Variants in PCDHA12 observed in about 807,000 individuals in gnomAD.
PCDHA12 encodes the protein protocadherin alpha-12.
Under a neutral mutation model 60.0 loss-of-function variants are expected in PCDHA12, and 44 were observed. The observed-to-expected ratio is 0.73, with a 90% CI of 0.58 to 0.94. PCDHA12 has a LOEUF of 0.94. Among genes scored for constraint, PCDHA12 ranks in the 40% least tolerant of loss-of-function variants. PCDHA12 has a pLI of 0.00. For missense variants in PCDHA12, 1,276 were observed against 1,239.7 expected (o/e 1.03, Z -0.44); for synonymous variants, 569 against 553.0 (o/e 1.03, Z -0.40).
At chr5:140,878,516 G>A (rs2057626740) in intron 1 of PCDHA12, among the ~76,000 whole-genome samples, 1 of 152,122 alleles carries the variant, frequency 6.6e-6, no homozygotes. Context: ...CAGTACAGTT[G>A]GTAACCAACT....
intron 3 of PCDHA12, among the ~76,000 whole-genome samples, chr5:141,004,385 G>C (rs1388217607): frequency 6.6e-6 from 1 of 152,192 alleles, no homozygotes; most frequent in Non-Finnish European, 1.5e-5. Flanking sequence ...TGCGGAAGCT[G>C]GACATGTGGA....
At chr5:140,963,195 T>TG (rs1323958663) in intron 1 of PCDHA12, among the ~76,000 whole-genome samples, 4 of 150,680 alleles carry the variant, frequency 2.7e-5, no homozygotes, top group Non-Finnish European at 5.9e-5. Flanking sequence ...ACTGTGAAAA[T>TG]GAAAAAAAAA....
Position 140,876,660 on chromosome 5 carries a change from G to C in PCDHA12, c.1188G>C (p.Lys396Asn). ...CACTGACACCTCATGTTCCCTTCAA[G>C]CTGGTGTCCACCTACAAGAATTACT... is the stretch of plus-strand genomic sequence containing the variant. ...ICSLTPHVPF[K>N]LVSTYKNYYS... Residue 396 changes from lysine to asparagine, a missense_variant, in exon 1 of 4, where the codon AAG becomes AAC. Lys to Asn is a moderately conservative substitution (Grantham distance 94). Transcript: ENST00000398631. The C allele has an allele frequency of 6.2e-7, 1 of 1,614,216 alleles. No homozygotes were observed. Among genetic ancestry groups the C allele is most frequent in the Non-Finnish European group, 8.5e-7 (1 of 1,180,044 alleles).
At position 140,969,365 on chromosome 5, in the gene PCDHA12, C is replaced by T. The variant is rs190730712; in HGVS notation, c.2368-9584C>T. The T allele has an allele frequency of 5.3e-5, 86 of 1,610,040 alleles. No homozygotes were observed. The African/African-American group carries it at 9.2e-4, about 17-fold the overall frequency. On this transcript the variant is annotated intron_variant, in intron 1 of 3. Transcript: ENST00000398631. ...GTGGTCAGGGGGTCTTCTACAAACT[C>T]ATGCATTTGTTACACATCCCCCAAT...
intron 1 of PCDHA12, chr5:140,882,865 A>G (rs1554175879): frequency 6.2e-7 from 1 of 1,614,248 alleles, no homozygotes; most frequent in Non-Finnish European, 8.5e-7. Context: ...TGAGGAAAAC[A>G]CTGGACAGAG....
chr5:140,959,382 A>C (rs1332960560), intron 1 of PCDHA12, among the ~76,000 whole-genome samples: 1 of 152,200 alleles, frequency 6.6e-6, no homozygotes, highest in African/African-American at 2.4e-5. Flanking sequence ...TCAAAAAAAA[A>C]AGTCACAAAT....
chr5:140,914,364 A>T lies in PCDHA12; in HGVS notation c.2367+36525A>T, dbSNP rs1256559741. 2.0e-5 allele frequency among the ~76,000 whole-genome samples: 3 copies of T among 152,096 alleles called. No individual in the cohort carries two copies. The East Asian group carries it at 5.8e-4, about 29-fold the overall frequency. On this transcript the variant is annotated intron_variant, in intron 1 of 3. Transcript: ENST00000398631. ...CTCTTTTTGGAGTTTTTGTCTTGAG[A>T]TCTATTTTATCTGTTATAAGTGTAG...
At chr5:140,977,094 T>C (rs1291290436) in intron 1 of PCDHA12, among the ~76,000 whole-genome samples, 1 of 152,206 alleles carries the variant, frequency 6.6e-6, no homozygotes, top group Non-Finnish European at 1.5e-5. Context: ...AATGTGTCAT[T>C]GGGGAAGTGA....
At chr5:140,937,402 CACA>C (rs1329840101) in intron 1 of PCDHA12, among the ~76,000 whole-genome samples, 1 of 152,034 alleles carries the variant, frequency 6.6e-6, no homozygotes, top group African/African-American at 2.4e-5. Flanking sequence ...AGGGGTATTG[CACA>C]ACTTTTATTA....
chr5:140,983,005 AAAGG>A (rs1223217874), intron 3 of PCDHA12, among the ~76,000 whole-genome samples: 2 of 152,110 alleles, frequency 1.3e-5, no homozygotes, highest in African/African-American at 2.4e-5. Flanking sequence ...AAAGAAAGAA[AAAGG>A]AAGGAAGGAA....
At chr5:140,914,016 G>A (rs1344982730) in intron 1 of PCDHA12, among the ~76,000 whole-genome samples, 2 of 152,140 alleles carry the variant, frequency 1.3e-5, no homozygotes, top group Non-Finnish European at 2.9e-5. Flanking sequence ...CTTTGAGAAT[G>A]ATCCACGTGC....
chr5:140,954,995 T>C (rs962646761), intron 1 of PCDHA12, among the ~76,000 whole-genome samples: 2 of 152,222 alleles, frequency 1.3e-5, no homozygotes, highest in African/African-American at 2.4e-5. Context: ...TGCATATGGC[T>C]AGCCAATTCT....
At chr5:140,883,308 C>T (rs782669562) in intron 1 of PCDHA12, 2 of 1,614,102 alleles carry the variant, frequency 1.2e-6, no homozygotes, top group South Asian at 1.1e-5. Flanking sequence ...AATGATAACG[C>T]CCCAGAGGTT....
At chr5:140,883,141 T>C (rs975281074) in intron 1 of PCDHA12, 5 of 1,614,092 alleles carry the variant, frequency 3.1e-6, no homozygotes, top group Non-Finnish European at 4.2e-6. Flanking sequence ...CAGTGGTATA[T>C]GCATTTACCA....
intron 1 of PCDHA12, among the ~76,000 whole-genome samples, chr5:140,971,657 G>A (rs961666289): frequency 1.3e-5 from 2 of 151,992 alleles, no homozygotes; most frequent in African/African-American, 4.8e-5. Flanking sequence ...AAGTAGATGG[G>A]AATTAGAGAG....
chr5:140,905,327 T>G (rs1446614190), intron 1 of PCDHA12, among the ~76,000 whole-genome samples: 1 of 152,202 alleles, frequency 6.6e-6, no homozygotes, highest in Non-Finnish European at 1.5e-5. Flanking sequence ...TATGCTTTGT[T>G]GAAGATCAGT....
chr5:140,967,026 C>G, intron 1 of PCDHA12: 2 of 1,608,434 alleles, frequency 1.2e-6, no homozygotes, highest in East Asian at 4.5e-5. Flanking sequence ...GCGCCCAGTC[C>G]GCGCTACCTG....
At chr5:140,931,183 T>C (rs1225985669) in intron 1 of PCDHA12, among the ~76,000 whole-genome samples, 2 of 152,158 alleles carry the variant, frequency 1.3e-5, no homozygotes, top group Non-Finnish European at 2.9e-5. Context: ...GGGAAGGAAA[T>C]TGGTGCACTA....
In PCDHA12 at chr5:140,915,928, T is replaced by C. The variant is rs141949892; in HGVS notation, c.2367+38089T>C. ...CAGGCCCAGAGATGCTACTTGGGAG[T>C]CAGGGATTGGAGTCAAAATACTTAG... On this transcript the variant is annotated intron_variant, in intron 1 of 3. Coordinates refer to ENST00000398631, the MANE Select transcript of PCDHA12 (RefSeq NM_018903.4). Among the ~76,000 whole-genome samples the C allele has an allele frequency of 8.0e-3, 1,213 of 151,944 alleles. 5 individuals carry two copies. The highest frequency in any genetic ancestry group is 0.019 in the African/African-American group (783 of 41,424).
Sources: allele counts gnomAD v4.1 joint callset (sites outside exome capture counted in the v4.1 genomes callset), GRCh38; gene constraint gnomAD v4.1.1; transcripts MANE v1.5; gene names NCBI Gene and HGNC (gene_info 2026-07-23, HGNC 2026-07-21).